KIF1A: variants seen among roughly 807,000 people sequenced by gnomAD.
KIF1A encodes kinesin family member 1A.
A neutral mutation model predicts 227.3 loss-of-function variants in KIF1A; 46 were observed. That is an observed-to-expected ratio of 0.20 (90% CI 0.16 to 0.26). The LOEUF (loss-of-function observed/expected upper bound fraction) is 0.26. Among genes scored for constraint, KIF1A ranks in the 10% least tolerant of loss-of-function variants. The pLI is 1.00. For missense variants in KIF1A, 1,683 were observed against 2,485.9 expected (o/e 0.68, Z 6.87); for synonymous variants, 1,022 against 1,012.8 (o/e 1.01, Z -0.17).
At chr2:240,721,635 C>T (rs937141058) in intron 44 of KIF1A, among the ~76,000 whole-genome samples, 172 bp downstream of exon 44, 6 of 152,206 alleles carry the variant, frequency 3.9e-5, no homozygotes, top group African/African-American at 1.2e-4. Context: ...GACCCCAGGC[C>T]GACCCAGGGA....
rs374380397 is a variant in KIF1A, at chr2:240,737,055, C to A, written c.4007+8G>T. On this transcript the variant is annotated splice_region_variant and intron_variant, in intron 38 of 48. Transcript: ENST00000498729. The stretch of plus-strand genomic sequence containing the variant: ...CTGGGCCCTGTCTCCAGGGAGTCTC[C>A]GACTCACCGGTCATCTTGGGCTGGG... 6.2e-7 allele frequency: 1 copy of A among 1,604,848 alleles called. No homozygotes were observed. Among genetic ancestry groups the A allele is most frequent in the African/African-American group, 1.3e-5 (1 of 74,710 alleles).
intron 1 of KIF1A, among the ~76,000 whole-genome samples, chr2:240,801,245 T>C (rs1487411504): frequency 2.7e-5 from 4 of 150,372 alleles, no homozygotes; most frequent in African/African-American, 9.8e-5. Flanking sequence ...ATATTCAAAA[T>C]AAGAGCAAAA....
rs60462300 is a variant in KIF1A at position 240,778,511 on chromosome 2, T to TACACACACAC, written c.883-2595_883-2586dup. On this transcript the variant is annotated intron_variant, in intron 10 of 48. Transcript: ENST00000498729. The surrounding 1 kb of genome is among the most constrained non-coding windows in gnomAD (Gnocchi z 7.2). ...GGCGCTCGCAGCTCCCGCACAGCGT[T>TACACACACAC]ACACACACACACACACACACACACA... Among the ~76,000 whole-genome samples the TACACACACAC allele has an allele frequency of 0.027, 3,611 of 134,120 alleles. 119 individuals are homozygous for TACACACACAC. The highest frequency in any genetic ancestry group is 0.071 in the African/African-American group (2,341 of 32,902). The allele number at this position is 134,120 out of a possible 152,430, so 88.0% of individuals were successfully genotyped here. A position where few individuals can be genotyped will look rare whatever the true frequency, so the allele number is the denominator to read the frequency against.
chr2:240,728,526 C>T lies in KIF1A; in HGVS notation c.4008-1586G>A, dbSNP rs1012409776. On this transcript the variant is annotated intron_variant, in intron 38 of 48. Coordinates refer to ENST00000498729, the MANE Select transcript of KIF1A (RefSeq NM_001244008.2). ...AAAACTTAAGAGTTCGGCAGGTGCA[C>T]GCCGGATCTCACGGCCCCCAGGCTC... The T allele has an allele frequency of 1.3e-4, 80 of 624,698 alleles. 3 individuals are homozygous for T. The highest frequency in any genetic ancestry group is 5.4e-4 in the East Asian group (8 of 14,918). 38.7% of individuals were successfully genotyped at this position (624,698 alleles called of 1,614,324 possible). A position where few individuals can be genotyped will look rare whatever the true frequency, so the allele number is the denominator to read the frequency against.
At chr2:240,812,699 C>A (rs1165350732) in intron 1 of KIF1A, among the ~76,000 whole-genome samples, 2 of 150,478 alleles carry the variant, frequency 1.3e-5, no homozygotes, top group Non-Finnish European at 3.0e-5. Context: ...CGAGATCCAC[C>A]TTCACCTCAG....
At position 240,789,991 on chromosome 2, in the gene KIF1A, G is replaced by A. The variant is rs773073998; in HGVS notation, c.107-679C>T. On this transcript the variant is annotated intron_variant, in intron 2 of 48. Transcript: ENST00000498729. This position sits in a 1 kb window ranked among gnomAD's most constrained non-coding sequence, Gnocchi z 4.8. ...TGCCCCCGCCCACAGCCGGTGCCTG[G>A]GGGGGTTTCCCAGGAGCTGTCCCAG... Among the ~76,000 whole-genome samples, 2 of 152,072 alleles carry A rather than the reference G, an allele frequency of 1.3e-5. No homozygotes were observed. Among genetic ancestry groups the A allele is most frequent in the Non-Finnish European group, 2.9e-5 (2 of 67,996 alleles).
chr2:240,810,462 G>A (rs1330597551), intron 1 of KIF1A, among the ~76,000 whole-genome samples: 2 of 152,214 alleles, frequency 1.3e-5, no homozygotes, highest in African/African-American at 2.4e-5. Flanking sequence ...AGCTTTTACA[G>A]CTCACCTTGG....
chr2:240,743,165 C>T (rs2048193941), intron 33 of KIF1A, among the ~76,000 whole-genome samples, 181 bp from the exon 34 acceptor site: 1 of 152,096 alleles, frequency 6.6e-6, no homozygotes, highest in Admixed American at 6.5e-5. Flanking sequence ...CAGCTCCCAC[C>T]CCAGAGGCCA....
At chr2:240,754,206 G>A (rs768701927) in intron 27 of KIF1A, among the ~76,000 whole-genome samples, 2 of 152,192 alleles carry the variant, frequency 1.3e-5, no homozygotes, top group Non-Finnish European at 2.9e-5. Flanking sequence ...CATCCAGGTA[G>A]AGGTTATACA....
intron 38 of KIF1A, among the ~76,000 whole-genome samples, chr2:240,735,395 T>C (rs2125707503): frequency 9.1e-6 from 1 of 109,882 alleles, no homozygotes; most frequent in East Asian, 2.5e-4. Context: ...CATGAGCCGC[T>C]CCCTCCTACG....
At chr2:240,794,104 T>C (rs1575648365) in intron 2 of KIF1A, among the ~76,000 whole-genome samples, 1 of 152,016 alleles carries the variant, frequency 6.6e-6, no homozygotes, top group Non-Finnish European at 1.5e-5. Context: ...TGGGGGCAGG[T>C]CAGCCCTCTG....
chr2:240,763,732 G>A (rs1022548142), intron 20 of KIF1A, among the ~76,000 whole-genome samples: 3 of 152,176 alleles, frequency 2.0e-5, no homozygotes, highest in Non-Finnish European at 2.9e-5. Flanking sequence ...GCTGGACTTG[G>A]GCCCTCCACA....
chr2:240,745,316 G>C, intron 32 of KIF1A, 111 bp downstream of exon 32: 1 of 862,994 alleles, frequency 1.2e-6, no homozygotes. Flanking sequence ...GGTGCACAAG[G>C]CAGTCCTGGC....
chr2:240,805,022 G>A (rs2057262029), intron 1 of KIF1A, among the ~76,000 whole-genome samples: 1 of 139,152 alleles, frequency 7.2e-6, no homozygotes, highest in Non-Finnish European at 1.6e-5. Flanking sequence ...AAAGGGAAGG[G>A]AAGGGGAGGG....
chr2:240,776,042 C>T (rs188541091), intron 10 of KIF1A, 116 bp from the exon 11 acceptor site: 323 of 743,140 alleles, frequency 4.3e-4, no homozygotes, highest in African/African-American at 2.7e-3. Context: ...GGGCAAGGGG[C>T]GGGGCCCGCT....
At chr2:240,785,578 G>T (rs949703093) in intron 6 of KIF1A, among the ~76,000 whole-genome samples, 1 of 152,182 alleles carries the variant, frequency 6.6e-6, no homozygotes. Flanking sequence ...GCTGAGGGTG[G>T]CCTGGAGTTG....
chr2:240,717,762 C>T (rs1380767272), intron 48 of KIF1A, among the ~76,000 whole-genome samples: 1 of 152,236 alleles, frequency 6.6e-6, no homozygotes, highest in Non-Finnish European at 1.5e-5. Flanking sequence ...TCAGAGGGAG[C>T]ATTAATAGCC....
At chr2:240,731,917 GA>G (rs1559483970) in intron 38 of KIF1A, among the ~76,000 whole-genome samples, 1 of 118,008 alleles carries the variant, frequency 8.5e-6, no homozygotes, top group African/African-American at 3.3e-5. Context: ...AGGAGGGGAG[GA>G]GGGGAGGAGG....
At chr2:240,762,503 G>A (rs1230183958) in intron 23 of KIF1A, among the ~76,000 whole-genome samples, 3 of 152,256 alleles carry the variant, frequency 2.0e-5, no homozygotes, top group Non-Finnish European at 2.9e-5. Flanking sequence ...GTGCGTGAGT[G>A]TGCAGAGCTG....
Sources: allele counts gnomAD v4.1 joint callset (sites outside exome capture counted in the v4.1 genomes callset), GRCh38; gene constraint gnomAD v4.1.1; non-coding constraint Gnocchi (gnomAD v3.1); transcripts MANE v1.5; gene names NCBI Gene and HGNC (gene_info 2026-07-23, HGNC 2026-07-21).